The following SLC14A2 variants were observed in gnomAD, a reference collection of about 807,000 sequenced individuals.
SLC14A2 encodes the protein urea transporter 2.
Under a neutral mutation model 104.6 loss-of-function variants are expected in SLC14A2, and 91 were observed. That is an observed-to-expected ratio of 0.87 (90% confidence interval 0.73 to 1.04). SLC14A2 has a LOEUF of 1.04. Among genes scored for constraint, SLC14A2 ranks in the 50% least tolerant of loss-of-function variants. The pLI is 0.00. For synonymous variants in SLC14A2, 476 were observed against 466.4 expected (o/e 1.02, Z -0.27); for missense variants, 1,189 against 1,156.0 (o/e 1.03, Z -0.41).
chr18:45,426,383 G>A (rs1013052653), intron 1 of SLC14A2, among the ~76,000 whole-genome samples: 1 of 151,868 alleles, frequency 6.6e-6, no homozygotes, highest in African/African-American at 2.4e-5. Context: ...TTTTCCTGAA[G>A]GCAGAAGACA....
intron 1 of SLC14A2, among the ~76,000 whole-genome samples, chr18:45,249,888 G>A (rs923658722): frequency 6.6e-6 from 1 of 152,148 alleles, no homozygotes; most frequent in African/African-American, 2.4e-5. Flanking sequence ...GTTCAAGGGT[G>A]CAGTGAGCTA....
chr18:45,290,769 T>C (rs554965958), intron 1 of SLC14A2, among the ~76,000 whole-genome samples: 4 of 151,734 alleles, frequency 2.6e-5, no homozygotes, highest in African/African-American at 7.3e-5. Flanking sequence ...TAATTTCATC[T>C]GTTTATTTTT....
At chr18:45,534,090 T>C (rs2043742648) in intron 2 of SLC14A2, among the ~76,000 whole-genome samples, 1 of 152,126 alleles carries the variant, frequency 6.6e-6, no homozygotes, top group Non-Finnish European at 1.5e-5. Flanking sequence ...AACAGAGAGG[T>C]ATGGTAAAAT....
intron 5 of SLC14A2, 55 bp from the exon 6 acceptor site, chr18:45,636,935 C>A: frequency 3.5e-6 from 5 of 1,430,328 alleles, no homozygotes; most frequent in South Asian, 2.5e-5. Context: ...GCTGCTGAGA[C>A]AATGTAGACC....
chr18:45,487,644 G>A (rs961086407), intron 2 of SLC14A2, among the ~76,000 whole-genome samples: 1 of 152,216 alleles, frequency 6.6e-6, no homozygotes, highest in East Asian at 1.9e-4. Flanking sequence ...GAGGGCTTTC[G>A]GGATCAGCCA....
chr18:45,588,154 G>T (rs1053789170), intron 2 of SLC14A2, among the ~76,000 whole-genome samples: 1 of 152,132 alleles, frequency 6.6e-6, no homozygotes, highest in Non-Finnish European at 1.5e-5. Context: ...ATGAGGACCT[G>T]GGCCCAACAG....
intron 1 of SLC14A2, among the ~76,000 whole-genome samples, chr18:45,346,749 C>A (rs1464109678): frequency 1.3e-5 from 2 of 151,858 alleles, no homozygotes; most frequent in African/African-American, 4.8e-5. Flanking sequence ...CATGATGAAA[C>A]CCGGCCAACA....
intron 2 of SLC14A2, among the ~76,000 whole-genome samples, chr18:45,498,420 A>G (rs2043137034): frequency 6.6e-6 from 1 of 152,358 alleles, no homozygotes; most frequent in African/African-American, 2.4e-5. Context: ...AAGCTGCCAG[A>G]CGCCCAGAGC....
chr18:45,299,554 C>T (rs750218434), intron 1 of SLC14A2, among the ~76,000 whole-genome samples: 11 of 152,164 alleles, frequency 7.2e-5, no homozygotes, highest in African/African-American at 2.2e-4. Flanking sequence ...CTCTGCCTCC[C>T]GGGTTCAAGT....
rs138910324 is a variant in SLC14A2 at position 45,564,660 on chromosome 18, G to A, written c.-34-59971G>A. 5.9e-5 allele frequency among the ~76,000 whole-genome samples: 9 copies of A among 152,314 alleles called. No individual in the cohort carries two copies. The East Asian group carries it at 1.4e-3, about 23-fold the overall frequency. ...GGAAATATGCCAGGGAGAAACAATG[G>A]TTTTAAGAGATTATAGTTGAAATAT... is the stretch of plus-strand genomic sequence containing the variant. On this transcript the variant is annotated intron_variant, in intron 2 of 20. Transcript: ENST00000586448.
chr18:45,557,068 A>G (rs2044142574), intron 2 of SLC14A2, among the ~76,000 whole-genome samples: 1 of 152,252 alleles, frequency 6.6e-6, no homozygotes, highest in Non-Finnish European at 1.5e-5. Context: ...AGAGTAGCCA[A>G]TGCTAGCACA....
chr18:45,541,433 C>A (rs759630647), intron 2 of SLC14A2, among the ~76,000 whole-genome samples: 1 of 152,240 alleles, frequency 6.6e-6, no homozygotes, highest in South Asian at 2.1e-4. Context: ...ATTCATCTGT[C>A]TCCAAAGAAC....
chr18:45,169,254 G>T, the SLC14A2 span: 1 of 152,194 alleles, frequency 6.6e-6, no homozygotes, highest in African/African-American at 2.4e-5. Flanking sequence ...CTTCCCATAT[G>T]AAGTATAATT....
intron 2 of SLC14A2, among the ~76,000 whole-genome samples, chr18:45,552,751 A>G (rs2044074221): frequency 6.6e-6 from 1 of 152,196 alleles, no homozygotes; most frequent in Non-Finnish European, 1.5e-5. Context: ...GGCAGAGGGT[A>G]GCAGCCAGTG....
intron 1 of SLC14A2, among the ~76,000 whole-genome samples, chr18:45,311,718 C>T (rs921736527): frequency 1.3e-5 from 2 of 152,210 alleles, no homozygotes; most frequent in Admixed American, 1.3e-4. Flanking sequence ...TGTTGGTAGC[C>T]ACTTGGGTTC....
chr18:45,423,355 T>C (rs2086375654), intron 1 of SLC14A2, among the ~76,000 whole-genome samples: 1 of 152,238 alleles, frequency 6.6e-6, no homozygotes, highest in Non-Finnish European at 1.5e-5. Context: ...TGCGACAGTT[T>C]GACAGCGAGT....
chr18:45,176,165 T>C, the SLC14A2 span, among the ~76,000 whole-genome samples: 2 of 152,174 alleles, frequency 1.3e-5, no homozygotes, highest in African/African-American at 4.8e-5. Flanking sequence ...TAAGCACAGC[T>C]AATAATCACT....
upstream of SLC14A2, among the ~76,000 whole-genome samples, chr18:45,610,669 G>A (rs2044958274): frequency 6.6e-6 from 1 of 152,204 alleles, no homozygotes; most frequent in African/African-American, 2.4e-5. Context: ...ACCAGCAGGA[G>A]GCATATGTTG....
At chr18:45,673,173 T>C in intron 17 of SLC14A2, 126 bp downstream of exon 17, 1 of 938,526 alleles carries the variant, frequency 1.1e-6, no homozygotes, top group South Asian at 1.7e-5. Context: ...CCTTCTGTTG[T>C]ACCCTGTTTC....
Sources: allele counts gnomAD v4.1 joint callset (sites outside exome capture counted in the v4.1 genomes callset), GRCh38; gene constraint gnomAD v4.1.1; transcripts MANE v1.5; gene names NCBI Gene and HGNC (gene_info 2026-07-23, HGNC 2026-07-21).